The following HOXB3 variants were observed in gnomAD, a reference collection of about 807,000 sequenced individuals.
The protein encoded by HOXB3 is homeobox protein Hox-B3.
In HOXB3, 17 loss-of-function variants were observed where a neutral mutation model predicts 29.2. That is an observed-to-expected ratio of 0.58 (90% confidence interval 0.40 to 0.87). The LOEUF (loss-of-function observed/expected upper bound fraction) is 0.87, where lower values mean the gene tolerates loss of function less well. Ranked by LOEUF, HOXB3 falls within the 40% of genes least tolerant of loss-of-function variation. HOXB3 has a pLI of 0.00. For missense variants in HOXB3, 637 were observed against 616.3 expected (o/e 1.03, Z -0.35); for synonymous variants, 317 against 285.9 (o/e 1.11, Z -1.10).
chr17:48,577,785 C>T, intron 1 of HOXB3: 4 of 1,251,426 alleles, frequency 3.2e-6, no homozygotes, highest in South Asian at 2.9e-5. Context: ...GCTCAACCCC[C>T]CCCCAACCCA....
intron 2 of HOXB3, among the ~76,000 whole-genome samples, chr17:48,559,114 C>A (rs2069105380): frequency 6.6e-6 from 1 of 152,086 alleles, no homozygotes; most frequent in Non-Finnish European, 1.5e-5. Context: ...TTCTTCAGAG[C>A]CAGAGCACTC....
intron 1 of HOXB3, chr17:48,580,317 T>TTC (rs920352372): frequency 2.4e-4 from 2 of 8,166 alleles, no homozygotes; most frequent in Non-Finnish European, 9.4e-4. Context: ...CCCCCAGGAC[T>TTC]TTTTTTTTTT....
intron 1 of HOXB3, chr17:48,576,645 T>TGCCCCCCCCCC: frequency 5.4e-6 from 3 of 559,066 alleles, no homozygotes; most frequent in East Asian, 6.5e-5. Context: ...CAGGGCCCCC[T>TGCCCCCCCCCC]CCTGTCCCCC....
At chr17:48,557,940 C>T (rs1244416308) in intron 2 of HOXB3, among the ~76,000 whole-genome samples, 2 of 151,930 alleles carry the variant, frequency 1.3e-5, no homozygotes, top group Admixed American at 1.3e-4. Context: ...AGGGTCAGAC[C>T]CCATGTAACT....
rs59742556 is a variant in HOXB3 at position 48,552,571 on chromosome 17, A to ACCCCCCCCCCCCCCCCCCCCC, written c.-98_-97insGGGGGGGGGGGGGGGGGGGGG. The ACCCCCCCCCCCCCCCCCCCCC allele has an allele frequency of 2.0e-6, 1 of 504,638 alleles. No individual in the cohort carries two copies. Among genetic ancestry groups the ACCCCCCCCCCCCCCCCCCCCC allele is most frequent in the African/African-American group, 4.0e-5 (1 of 24,692 alleles). The allele number at this position is 504,638 out of a possible 1,614,324, so 31.3% of individuals were successfully genotyped here. A position where few individuals can be genotyped will look rare whatever the true frequency, so the allele number is the denominator to read the frequency against. On this transcript the variant is annotated 5_prime_UTR_variant, in exon 4 of 5. Coordinates refer to ENST00000498678, the MANE Select transcript of HOXB3 (RefSeq NM_001384749.1). Reference sequence around the variant, plus strand: ...CCCTGGGGGTCACGTGACACGCCGGACCCCCCCCCCCCACCTCCCCTCTCT... The same window carrying ACCCCCCCCCCCCCCCCCCCCC: ...CCCTGGGGGTCACGTGACACGCCGGACCCCCCCCCCCCCCCCCCCCCCCCCCCCCCCCCACCTCCCCTCTCT...
intron 2 of HOXB3, among the ~76,000 whole-genome samples, chr17:48,560,832 G>A (rs1259693290): frequency 6.6e-6 from 1 of 152,154 alleles, no homozygotes; most frequent in Admixed American, 6.5e-5. Context: ...GCCCAGGGTT[G>A]GGGTGAGGCT....
intron 2 of HOXB3, among the ~76,000 whole-genome samples, chr17:48,571,466 C>G (rs1335612493): frequency 6.6e-6 from 1 of 152,170 alleles, no homozygotes; most frequent in Non-Finnish European, 1.5e-5. Context: ...GGAAAGAAGT[C>G]AAAAGGTTGG....
Position 48,554,986 on chromosome 17 carries a change from A to C in HOXB3, c.-159+545T>G. 4.4e-6 allele frequency: 2 copies of C among 451,832 alleles called. No homozygotes were observed. Among genetic ancestry groups the C allele is most frequent in the Non-Finnish European group, 4.1e-6 (1 of 241,448 alleles). 28.0% of individuals were successfully genotyped at this position (451,832 alleles called of 1,614,324 possible). ...CATGTTGGAAAAATTCAGGTTCCATATGGCTCCTCGGGAGGGAGGGAGGGA... is the reference window on the plus strand; with the variant it reads ...CATGTTGGAAAAATTCAGGTTCCATCTGGCTCCTCGGGAGGGAGGGAGGGA... On this transcript the variant is annotated intron_variant, in intron 3 of 4. Transcript: ENST00000498678. This position sits in a 1 kb window ranked among gnomAD's most constrained non-coding sequence, Gnocchi z 4.1.
chr17:48,556,130 G>A (rs2068979955), intron 2 of HOXB3, among the ~76,000 whole-genome samples: 1 of 136,270 alleles, frequency 7.3e-6, no homozygotes, highest in Admixed American at 7.9e-5. Context: ...AGAGTAAGAA[G>A]AAAAGAAGGA....
chr17:48,550,467 C>T lies in HOXB3; in HGVS notation c.1163G>A (p.Gly388Glu). The change falls in exon 5 of 5, where the codon GGG becomes GAG. Residue 388 changes from glycine to glutamate, a missense_variant. Transcript: ENST00000498678. Reference sequence around the variant, plus strand: ...CTGGCTGGGCGCCATAGGGGGCGCCCCGTTGTAGTCCAGGTTCCCGGAAGG... The same window carrying T: ...CTGGCTGGGCGCCATAGGGGGCGCCTCGTTGTAGTCCAGGTTCCCGGAAGG... ...HHPSGNLDYN[G>E]APPMAPSQHH... is the part of the protein sequence containing the mutation. 6.2e-7 allele frequency: 1 copy of T among 1,611,302 alleles called. No homozygotes were observed. Among genetic ancestry groups the T allele is most frequent in the East Asian group, 2.2e-5 (1 of 44,854 alleles).
intron 2 of HOXB3, among the ~76,000 whole-genome samples, chr17:48,571,351 C>T (rs2069579774): frequency 6.6e-6 from 1 of 152,228 alleles, no homozygotes; most frequent in South Asian, 2.1e-4. Context: ...GCGCTGGGGC[C>T]GCCTTCAAGG....
At chr17:48,551,909 G>A (rs1241391814) in intron 4 of HOXB3, 118 bp downstream of exon 4, 2 of 917,364 alleles carry the variant, frequency 2.2e-6, no homozygotes. Flanking sequence ...TGTACCCGCT[G>A]GCCACCTAAT....
chr17:48,576,833 C>A, intron 1 of HOXB3: 5 of 1,614,262 alleles, frequency 3.1e-6, no homozygotes, highest in Non-Finnish European at 4.2e-6. Flanking sequence ...TTTTCCACTT[C>A]ATGCGCCGGT....
intron 1 of HOXB3, chr17:48,577,781 C>A (rs2069812883): frequency 1.1e-6 from 1 of 928,032 alleles, no homozygotes; most frequent in Non-Finnish European, 1.4e-6. Flanking sequence ...CCCAGCTCAA[C>A]CCCCCCCCAA....
intron 4 of HOXB3, 124 bp from the exon 5 acceptor site, chr17:48,551,305 C>T: frequency 8.5e-7 from 1 of 1,183,156 alleles, no homozygotes; most frequent in Non-Finnish European, 1.1e-6. Context: ...CCCCGCCGCC[C>T]TCCCCTTCGG....
chr17:48,570,328 G>C (rs1170856870), intron 2 of HOXB3, among the ~76,000 whole-genome samples: 1 of 152,152 alleles, frequency 6.6e-6, no homozygotes, highest in Admixed American at 6.5e-5. Context: ...ATCCAAACTT[G>C]ACCAGTTACG....
In HOXB3 at chr17:48,549,011, C is replaced by T. The variant is rs180731656; in HGVS notation, c.*1323G>A. ...CTACAAATTCAGGACTATACAGTGA[C>T]GATTAGGAGCTGAGTTCATGCCTTT... On this transcript the variant is annotated 3_prime_UTR_variant, in exon 5 of 5. Transcript: ENST00000498678. The T allele has an allele frequency of 3.2e-3, 495 of 152,746 alleles. 3 individuals are homozygous for T. The highest frequency in any genetic ancestry group is 6.8e-3 in the Middle Eastern group (2 of 294). The allele number at this position is 152,746 out of a possible 1,614,324, so 9.5% of individuals were successfully genotyped here.
chr17:48,582,871 G>A (rs1167174234), intron 1 of HOXB3, among the ~76,000 whole-genome samples: 2 of 152,216 alleles, frequency 1.3e-5, no homozygotes, highest in Non-Finnish European at 2.9e-5. Flanking sequence ...GAGAGAGTGT[G>A]GGGTTTCATG....
Position 48,554,734 on chromosome 17 carries a change from G to A in HOXB3, c.-159+797C>T. 1 of 702,408 alleles carries A rather than the reference G, an allele frequency of 1.4e-6. No individual in the cohort carries two copies. 43.5% of individuals were successfully genotyped at this position (702,408 alleles called of 1,614,324 possible). A position where few individuals can be genotyped will look rare whatever the true frequency, so the allele number is the denominator to read the frequency against. On this transcript the variant is annotated intron_variant, in intron 3 of 4. Transcript: ENST00000498678. This position sits in a 1 kb window ranked among gnomAD's most constrained non-coding sequence, Gnocchi z 4.1. Reference sequence around the variant, plus strand: ...AGCCGGCCGAGGGCCGAGCCCCGCGGGCGGCAGCAAGTTTTGGGAGCTGGA... The same window carrying A: ...AGCCGGCCGAGGGCCGAGCCCCGCGAGCGGCAGCAAGTTTTGGGAGCTGGA...
Sources: gnomAD v4.1 joint callset for allele counts (sites outside exome capture counted in the v4.1 genomes callset) on GRCh38, gnomAD v4.1.1 for gene constraint, Gnocchi (gnomAD v3.1) non-coding constraint, MANE v1.5 for transcripts, NCBI Gene and HGNC (gene_info 2026-07-23, HGNC 2026-07-21) for gene names.